ZPBP: variants seen among roughly 807,000 people sequenced by gnomAD.
ZPBP encodes the protein zona pellucida-binding protein 1.
Under a neutral mutation model 44.8 loss-of-function variants are expected in ZPBP, and 26 were observed. The observed-to-expected ratio is 0.58, with a 90% confidence interval of 0.43 to 0.81. The LOEUF is 0.81. Ranked by LOEUF, ZPBP falls within the 30% of genes least tolerant of loss-of-function variation. The probability of loss-of-function intolerance (pLI) is 0.00; values close to 1 mark genes in which losing one functional copy is unlikely to be tolerated. For missense variants in ZPBP, 409 were observed against 434.0 expected (o/e 0.94, Z 0.51); for synonymous variants, 174 against 153.2 (o/e 1.14, Z -1.00).
intron 1 of ZPBP, among the ~76,000 whole-genome samples, chr7:49,906,517 T>C (rs560655964): frequency 2.0e-5 from 3 of 152,192 alleles, no homozygotes; most frequent in Admixed American, 1.3e-4. Flanking sequence ...TTTGTATTTT[T>C]ACTATAGATG....
rs189864051 is a variant in ZPBP at position 50,060,579 on chromosome 7, G to A, written c.335-2438C>T. Among the ~76,000 whole-genome samples the A allele has an allele frequency of 6.9e-4, 105 of 152,128 alleles. No individual in the cohort carries two copies. The East Asian group carries it at 9.5e-3, about 14-fold the overall frequency. ...AAACCTAGAGAAATGGATACATTCC[G>A]AGAAACATACACCCTCTCCCATGAT... On this transcript the variant is annotated intron_variant, in intron 3 of 7. Coordinates refer to ENST00000046087, the MANE Select transcript of ZPBP (RefSeq NM_007009.3).
chr7:49,863,120 G>A (rs183505144), intron 2 of ZPBP, among the ~76,000 whole-genome samples: 1 of 152,214 alleles, frequency 6.6e-6, no homozygotes, highest in East Asian at 1.9e-4. Flanking sequence ...GGGAGGTTTT[G>A]GATTACTGAT....
chr7:49,848,149 T>C (rs148869414), downstream of ZPBP, among the ~76,000 whole-genome samples: 4,960 of 152,114 alleles, frequency 0.033, 307 homozygotes, highest in Admixed American at 0.16. Context: ...GTCTAACCAG[T>C]GGGGGCTGGG....
chr7:50,051,882 T>C (rs1394751550), intron 4 of ZPBP, among the ~76,000 whole-genome samples: 2 of 152,028 alleles, frequency 1.3e-5, no homozygotes, highest in Admixed American at 6.6e-5. Flanking sequence ...GATGGGCTGA[T>C]AGGGATAGCA....
At chr7:49,989,806 C>T (rs1797479228) in intron 6 of ZPBP, among the ~76,000 whole-genome samples, 1 of 152,098 alleles carries the variant, frequency 6.6e-6, no homozygotes, top group Admixed American at 6.5e-5. Flanking sequence ...GAAAATTCTG[C>T]CAGGTGATAG....
chr7:49,917,191 T>C (rs1793770146), intron 1 of ZPBP: 1 of 152,316 alleles, frequency 6.6e-6, no homozygotes, highest in African/African-American at 2.4e-5. Context: ...AGAAATATAG[T>C]AGCTTCCATA....
chr7:50,068,996 G>A (rs1801683730), intron 3 of ZPBP, among the ~76,000 whole-genome samples: 1 of 152,178 alleles, frequency 6.6e-6, no homozygotes, highest in African/African-American at 2.4e-5. Context: ...AAGCTCGACT[G>A]CATCATCTGG....
At chr7:50,009,099 C>T (rs551172193) in intron 6 of ZPBP, among the ~76,000 whole-genome samples, 16 of 151,610 alleles carry the variant, frequency 1.1e-4, no homozygotes, top group South Asian at 8.3e-4. Flanking sequence ...CAGCCAGGTG[C>T]GGTGGCACGT....
At chr7:49,995,164 C>T (rs571876124) in intron 6 of ZPBP, among the ~76,000 whole-genome samples, 2 of 152,348 alleles carry the variant, frequency 1.3e-5, no homozygotes, top group Non-Finnish European at 2.9e-5. Context: ...CTACTTCTCA[C>T]TCAATATCTC....
intron 2 of ZPBP, among the ~76,000 whole-genome samples, chr7:49,888,145 G>A (rs1333362662): frequency 6.6e-6 from 1 of 152,202 alleles, no homozygotes; most frequent in Non-Finnish European, 1.5e-5. Flanking sequence ...CTTGGTGGAA[G>A]TAGTCAATGG....
At chr7:50,037,107 T>C (rs894697316) in intron 4 of ZPBP, among the ~76,000 whole-genome samples, 1 of 152,136 alleles carries the variant, frequency 6.6e-6, no homozygotes, top group Non-Finnish European at 1.5e-5. Context: ...TTTTTACTCA[T>C]AATATGAATA....
In ZPBP at chr7:50,046,086, C is replaced by A. The variant is rs9656603; in HGVS notation, c.487+11903G>T. On this transcript the variant is annotated intron_variant, in intron 4 of 7. Coordinates refer to ENST00000046087, the MANE Select transcript of ZPBP (RefSeq NM_007009.3). ...TAATAAATGGTGTTGGGAAAACTGG[C>A]TAGCCATATGCAGAAAACTGAAACT... Among the ~76,000 whole-genome samples, 700 of 152,274 alleles carry A rather than the reference C, an allele frequency of 4.6e-3. 4 individuals are homozygous for A. The highest frequency in any genetic ancestry group is 0.016 in the African/African-American group (663 of 41,562).
chr7:49,923,553 T>TC (rs1444530782), intron 1 of ZPBP, among the ~76,000 whole-genome samples: 2 of 152,212 alleles, frequency 1.3e-5, no homozygotes. Flanking sequence ...TATTAACTAT[T>TC]CCCTCACCGT....
downstream of ZPBP, chr7:49,937,423 T>A (rs895044719): frequency 1.9e-5 from 17 of 885,858 alleles, no homozygotes; most frequent in East Asian, 2.7e-5. Flanking sequence ...TGATGACACA[T>A]TTTTTTGTAA....
In ZPBP at chr7:49,877,474, AAAAAAAAATATATATATATAT is replaced by A. The variant is rs1562747572; in HGVS notation, n.509+23623_509+23643del. Among the ~76,000 whole-genome samples the A allele has an allele frequency of 4.3e-5, 2 of 46,302 alleles. 1 individual carries two copies. The highest frequency in any genetic ancestry group is 7.6e-5 in the Non-Finnish European group (2 of 26,474). 30.4% of individuals were successfully genotyped at this position (46,302 alleles called of 152,430 possible). On this transcript the variant is annotated intron_variant and non_coding_transcript_variant, in intron 2 of 2. Coordinates refer to the ZPBP transcript ENST00000465922. ...AGAAACTCTGTCTCAAAAAAAAAAA[AAAAAAAAATATATATATATAT>A]ATATATATATATATATATATATAGT...
intron 7 of ZPBP, among the ~76,000 whole-genome samples, chr7:49,983,106 A>T (rs1797102453): frequency 6.6e-6 from 1 of 152,014 alleles, no homozygotes; most frequent in African/African-American, 2.4e-5. Flanking sequence ...TTCCTCCCAG[A>T]TAACTGCCTA....
In ZPBP at chr7:50,018,063, T is replaced by A. The variant is rs945607138; in HGVS notation, c.783+177A>T. ...AAAGGCTAAATTTGAAAGTATTTTA[T>A]AAAGATACATTCTATTAATGTCTTA... On this transcript the variant is annotated intron_variant, in intron 6 of 7. Coordinates refer to ENST00000046087, the MANE Select transcript of ZPBP (RefSeq NM_007009.3). 2.6e-5 allele frequency among the ~76,000 whole-genome samples: 4 copies of A among 152,240 alleles called. No homozygotes were observed. In the East Asian group the frequency reaches 7.7e-4, roughly 29 times the overall value.
chr7:49,974,341 A>G (rs1796413754), intron 7 of ZPBP, among the ~76,000 whole-genome samples: 1 of 152,174 alleles, frequency 6.6e-6, no homozygotes, highest in South Asian at 2.1e-4. Flanking sequence ...TCTGGGAGAC[A>G]TGGTTAATGA....
chr7:49,894,377 C>G (rs1792276773), intron 2 of ZPBP, among the ~76,000 whole-genome samples: 2 of 152,168 alleles, frequency 1.3e-5, no homozygotes, highest in South Asian at 4.1e-4. Context: ...AAGCAGTCCA[C>G]CTGCCTCGGC....
Sources: gnomAD v4.1 joint callset for allele counts (sites outside exome capture counted in the v4.1 genomes callset) on GRCh38, gnomAD v4.1.1 for gene constraint, MANE v1.5 for transcripts, NCBI Gene and HGNC (gene_info 2026-07-23, HGNC 2026-07-21) for gene names.